STK32B: variants seen among roughly 807,000 people sequenced by gnomAD.
STK32B encodes the protein serine/threonine-protein kinase 32B.
A neutral mutation model predicts 52.6 loss-of-function variants in STK32B; 43 were observed. That is an observed-to-expected ratio of 0.82 (90% CI 0.64 to 1.05). STK32B has a LOEUF of 1.05. Among genes scored for constraint, STK32B ranks in the 50% least tolerant of loss-of-function variants. The pLI, the probability that STK32B is intolerant of heterozygous loss-of-function variation, is 0.00. For missense variants in STK32B, 621 were observed against 534.6 expected, an observed-to-expected ratio of 1.16 and a Z score of -1.59; for synonymous variants, 238 against 204.3, an observed-to-expected ratio of 1.17 and a Z score of -1.41.
intron 3 of STK32B, chr4:5,214,097 G>A (rs776343137): frequency 6.6e-6 from 1 of 152,132 alleles, no homozygotes; most frequent in Non-Finnish European, 1.5e-5. Context: ...ATGTTGAATT[G>A]TAATTCTCAT....
intron 5 of STK32B, among the ~76,000 whole-genome samples, chr4:5,413,766 G>C (rs751643283): frequency 7.2e-5 from 11 of 152,176 alleles, no homozygotes; most frequent in Non-Finnish European, 1.6e-4. Context: ...CTGAGAGGCT[G>C]ATCACATGGG....
intron 1 of STK32B, among the ~76,000 whole-genome samples, chr4:5,060,493 T>C (rs1742176671): frequency 6.6e-6 from 1 of 152,166 alleles, no homozygotes; most frequent in African/African-American, 2.4e-5. Context: ...TTCTTTTTGA[T>C]TCACTGATTT....
chr4:5,402,515 T>C (rs1257415368), intron 5 of STK32B, among the ~76,000 whole-genome samples: 2 of 152,242 alleles, frequency 1.3e-5, no homozygotes, highest in African/African-American at 2.4e-5. Flanking sequence ...GTTCGCTTGT[T>C]GCACACCTGC....
chr4:5,279,522 T>C (rs996470163), intron 3 of STK32B, among the ~76,000 whole-genome samples: 1 of 152,192 alleles, frequency 6.6e-6, no homozygotes, highest in African/African-American at 2.4e-5. Flanking sequence ...CCTATGGCTT[T>C]TCCAGGTACA....
At chr4:5,271,644 T>TA (rs1727438463) in intron 3 of STK32B, among the ~76,000 whole-genome samples, 1 of 148,058 alleles carries the variant, frequency 6.8e-6, no homozygotes, top group Non-Finnish European at 1.5e-5. Flanking sequence ...GAGCATGGAA[T>TA]GTTCTTCCAT....
In STK32B at chr4:5,345,620, C is replaced by T. The variant is rs138222093; in HGVS notation, c.434+14227C>T. Among the ~76,000 whole-genome samples the T allele has an allele frequency of 5.6e-4, 86 of 152,334 alleles. 1 individual carries two copies. Among genetic ancestry groups the T allele is most frequent in the Non-Finnish European group, 1.1e-3 (74 of 68,034 alleles). Reference sequence around the variant, plus strand: ...TAGTCCTATCAGTAGTCCCATTTTACAGGTGAGACCACAGTGTCTCCTGGA... The same window carrying T: ...TAGTCCTATCAGTAGTCCCATTTTATAGGTGAGACCACAGTGTCTCCTGGA... On this transcript the variant is annotated intron_variant, in intron 4 of 11. Coordinates refer to ENST00000282908, the MANE Select transcript of STK32B (RefSeq NM_018401.3).
rs796623702 is a variant in STK32B, at chr4:5,456,752, AC to A, written c.667-54del. The A allele has an allele frequency of 1.4e-5, 20 of 1,430,350 alleles. No individual in the cohort carries two copies. The African/African-American group carries it at 2.1e-4, about 15-fold the overall frequency. The allele number at this position is 1,430,350 out of a possible 1,614,324, so 88.6% of individuals were successfully genotyped here. A position where few individuals can be genotyped will look rare whatever the true frequency, so the allele number is the denominator to read the frequency against. ...ATAATCATACAATCTTAAAATGCGG[AC>A]GGTGCCTTCCAATGGCTCTCTCTCT... On this transcript the variant is annotated intron_variant, in intron 7 of 11. Transcript: ENST00000282908.
At position 5,448,900 on chromosome 4, in the gene STK32B, C is replaced by A. The variant is rs533020546; in HGVS notation, c.666+2124C>A. Among the ~76,000 whole-genome samples, 6 of 152,258 alleles carry A rather than the reference C, an allele frequency of 3.9e-5. No homozygotes were observed. In the South Asian group the frequency reaches 6.2e-4, roughly 16 times the overall value. On this transcript the variant is annotated intron_variant, in intron 7 of 11. Transcript: ENST00000282908. ...TCATACTGGAAACCGTTGATTTAGT[C>A]AAAAAGCTGTGCTGAAAAACACTCA...
At chr4:5,043,314 G>A in the STK32B span, among the ~76,000 whole-genome samples, 1 of 152,044 alleles carries the variant, frequency 6.6e-6, no homozygotes, top group African/African-American at 2.4e-5. Flanking sequence ...GTGGATATTA[G>A]AGCTCTACTT....
At chr4:5,385,024 C>T (rs1030594011) in intron 4 of STK32B, among the ~76,000 whole-genome samples, 1 of 152,048 alleles carries the variant, frequency 6.6e-6, no homozygotes, top group Non-Finnish European at 1.5e-5. Context: ...GGAGTGAAAC[C>T]CTCGAGTCGT....
At chr4:5,261,339 A>G (rs914062405) in intron 3 of STK32B, among the ~76,000 whole-genome samples, 9 of 152,218 alleles carry the variant, frequency 5.9e-5, no homozygotes, top group African/African-American at 2.2e-4. Context: ...GCTGTGTGTC[A>G]GCTAGAGGAG....
chr4:5,210,248 T>TCTC (rs1347402109), intron 3 of STK32B, among the ~76,000 whole-genome samples: 11 of 151,796 alleles, frequency 7.2e-5, no homozygotes, highest in South Asian at 2.1e-4. Context: ...TTCTTCTTCT[T>TCTC]CTCCTCCTCC....
intron 4 of STK32B, among the ~76,000 whole-genome samples, chr4:5,367,751 G>C (rs563173929): frequency 1.3e-5 from 2 of 152,062 alleles, no homozygotes; most frequent in African/African-American, 2.4e-5. Flanking sequence ...ATCCTTTCCC[G>C]TTTGTGCCAT....
chr4:5,437,248 G>T (rs140678795), intron 6 of STK32B, among the ~76,000 whole-genome samples: 3 of 152,214 alleles, frequency 2.0e-5, no homozygotes, highest in Non-Finnish European at 2.9e-5. Flanking sequence ...AAATTACTAC[G>T]AACTGAGTGG....
intron 6 of STK32B, 98 bp downstream of exon 6, chr4:5,417,032 A>G: frequency 3.7e-6 from 4 of 1,079,930 alleles, no homozygotes; most frequent in Non-Finnish European, 5.4e-6. Flanking sequence ...GCTGCCACAT[A>G]CCCTCCCATG....
intron 1 of STK32B, among the ~76,000 whole-genome samples, chr4:5,126,127 A>G (rs1252467602): frequency 6.6e-6 from 1 of 152,116 alleles, no homozygotes; most frequent in Non-Finnish European, 1.5e-5. Flanking sequence ...GTCTTCTCAT[A>G]CCACCCAGTC....
intron 2 of STK32B, among the ~76,000 whole-genome samples, chr4:5,147,254 TA>T (rs1716983706): frequency 2.6e-5 from 4 of 152,150 alleles, no homozygotes; most frequent in Admixed American, 2.0e-4. Flanking sequence ...CTAGTAGGTA[TA>T]AAAATACAAT....
intron 6 of STK32B, among the ~76,000 whole-genome samples, chr4:5,435,398 GCCCCAGGGGGT>G (rs1387947152): frequency 6.6e-6 from 1 of 152,136 alleles, no homozygotes; most frequent in Non-Finnish European, 1.5e-5. Flanking sequence ...TCACACACGT[GCCCCAGGGGGT>G]CCTCAGTCCC....
rs536101456 is a variant in STK32B at position 5,254,770 on chromosome 4, G to T, written c.261-76450G>T. Among the ~76,000 whole-genome samples the T allele has an allele frequency of 4.6e-5, 7 of 152,120 alleles. No homozygotes were observed. The East Asian group carries it at 1.4e-3, about 29-fold the overall frequency. On this transcript the variant is annotated intron_variant, in intron 3 of 11. Transcript: ENST00000282908. ...TGGCCAGAGTCAGGTCTTGTTTTCTGGCCTCACAGGTGCTATGTTCTTTGA... is the reference window on the plus strand; with the variant it reads ...TGGCCAGAGTCAGGTCTTGTTTTCTTGCCTCACAGGTGCTATGTTCTTTGA...
Sources: gnomAD v4.1 joint callset for allele counts (sites outside exome capture counted in the v4.1 genomes callset) on GRCh38, gnomAD v4.1.1 for gene constraint, MANE v1.5 for transcripts, NCBI Gene and HGNC (gene_info 2026-07-23, HGNC 2026-07-21) for gene names.